GRM7: variants seen among roughly 807,000 people sequenced by gnomAD.
GRM7 encodes the protein glutamate metabotropic receptor 7.
GRM7 carries 35 observed loss-of-function variants against 84.5 expected under a neutral mutation model. That is an observed-to-expected ratio of 0.41 (90% CI 0.32 to 0.55). The LOEUF is 0.55. Among genes scored for constraint, GRM7 ranks in the 20% least tolerant of loss-of-function variants. The pLI is 0.19. For synonymous variants in GRM7, 487 were observed against 455.1 expected (o/e 1.07, Z -0.89); for missense variants, 1,003 against 1,194.6 (o/e 0.84, Z 2.36).
At chr3:6,924,342 T>G (rs1228571383) in intron 1 of GRM7, among the ~76,000 whole-genome samples, 1 of 152,198 alleles carries the variant, frequency 6.6e-6, no homozygotes, top group African/African-American at 2.4e-5. Flanking sequence ...AGAAGCATTT[T>G]GACCTTTCAT....
chr3:6,889,923 T>C (rs910936370), intron 1 of GRM7, among the ~76,000 whole-genome samples: 8 of 152,102 alleles, frequency 5.3e-5, no homozygotes, highest in South Asian at 2.1e-4. Context: ...TGTTATTGGT[T>C]TATTCAGAGA....
At chr3:6,956,270 C>T (rs1399055530) in intron 1 of GRM7, among the ~76,000 whole-genome samples, 2 of 152,182 alleles carry the variant, frequency 1.3e-5, no homozygotes, top group Non-Finnish European at 2.9e-5. Context: ...CTGAAGTCAA[C>T]AGTCGAAAGG....
intron 1 of GRM7, among the ~76,000 whole-genome samples, chr3:7,131,627 C>T (rs1037478515): frequency 3.3e-5 from 5 of 151,638 alleles, no homozygotes; most frequent in South Asian, 4.2e-4. Flanking sequence ...TACAGGTGCA[C>T]GCCACCATGC....
At chr3:7,468,906 CCT>C (rs1698575689) in intron 7 of GRM7, among the ~76,000 whole-genome samples, 1 of 152,170 alleles carries the variant, frequency 6.6e-6, no homozygotes, top group Admixed American at 6.5e-5. Context: ...GTCAATTAAA[CCT>C]CTTTCTTTTA....
rs951411172 is a variant in GRM7 at position 7,568,905 on chromosome 3, C to T, written c.1516-9517C>T. Among the ~76,000 whole-genome samples the T allele has an allele frequency of 6.6e-5, 10 of 152,224 alleles. No individual in the cohort carries two copies. The East Asian group carries it at 1.9e-3, about 30-fold the overall frequency. ...TCCATGGGCTCCTGTGCGGCCCCAG[C>T]CTCCCGGACGAGCGCCGCCCCCTGC... On this transcript the variant is annotated intron_variant, in intron 7 of 9. Coordinates refer to ENST00000357716, the MANE Select transcript of GRM7 (RefSeq NM_000844.4).
chr3:7,438,977 T>C (rs555076917), intron 5 of GRM7, among the ~76,000 whole-genome samples: 2 of 152,296 alleles, frequency 1.3e-5, no homozygotes, highest in South Asian at 2.1e-4. Context: ...ACTCAATGTA[T>C]AGATGTAGAA....
intron 1 of GRM7, among the ~76,000 whole-genome samples, chr3:7,121,355 A>G (rs1693213272): frequency 6.6e-6 from 1 of 151,750 alleles, no homozygotes; most frequent in Non-Finnish European, 1.5e-5. Context: ...CCATCCATCC[A>G]TCCATCCATC....
At chr3:7,172,042 C>A (rs1695000310) in intron 2 of GRM7, among the ~76,000 whole-genome samples, 1 of 152,204 alleles carries the variant, frequency 6.6e-6, no homozygotes, top group Admixed American at 6.5e-5. Context: ...GGGAAAGGGA[C>A]TTCCATGCTG....
intron 1 of GRM7, among the ~76,000 whole-genome samples, chr3:6,880,643 T>TCA (rs1386075232): frequency 4.0e-5 from 6 of 150,190 alleles, no homozygotes; most frequent in Non-Finnish European, 8.9e-5. Flanking sequence ...ATCTGTTTGA[T>TCA]ATCACCCCAT....
intron 7 of GRM7, among the ~76,000 whole-genome samples, chr3:7,477,953 A>C (rs1428365928): frequency 6.6e-6 from 1 of 152,110 alleles, no homozygotes; most frequent in Non-Finnish European, 1.5e-5. Flanking sequence ...CTTAATCATG[A>C]TCCAATCTTC....
At chr3:7,489,626 C>T (rs773123589) in intron 7 of GRM7, among the ~76,000 whole-genome samples, 2 of 151,938 alleles carry the variant, frequency 1.3e-5, no homozygotes, top group African/African-American at 4.8e-5. Context: ...TTTAAGTAGA[C>T]GATATGGTTG....
chr3:7,375,664 C>T (rs988773348), intron 4 of GRM7, among the ~76,000 whole-genome samples: 8 of 152,112 alleles, frequency 5.3e-5, no homozygotes, highest in Non-Finnish European at 1.2e-4. Context: ...TCTTTTGCTC[C>T]ACCTCCATCC....
intron 1 of GRM7, among the ~76,000 whole-genome samples, chr3:6,879,435 G>T (rs1695428358): frequency 6.6e-6 from 1 of 152,160 alleles, no homozygotes. Flanking sequence ...TATTTTGAAA[G>T]ATATAACACA....
Position 7,415,018 on chromosome 3 carries a change from T to C in GRM7, c.1034-5T>C. On this transcript the variant is annotated splice_region_variant and splice_polypyrimidine_tract_variant and intron_variant, in intron 4 of 9. Coordinates refer to ENST00000357716, the MANE Select transcript of GRM7 (RefSeq NM_000844.4). The stretch of plus-strand genomic sequence containing the variant: ...GCAATGACCTTTTCATTTAACTCTG[T>C]TTAGGGTTTGATGCCTACTTTACGT... The C allele has an allele frequency of 6.2e-7, 1 of 1,610,332 alleles. No individual in the cohort carries two copies. The highest frequency in any genetic ancestry group is 8.5e-7 in the Non-Finnish European group (1 of 1,177,332).
At chr3:7,294,345 C>T (rs908640555) in intron 2 of GRM7, among the ~76,000 whole-genome samples, 1 of 152,160 alleles carries the variant, frequency 6.6e-6, no homozygotes. Flanking sequence ...GTAGCCATTT[C>T]TTCTCCCCAG....
intron 8 of GRM7, among the ~76,000 whole-genome samples, chr3:7,603,270 C>A (rs1028565234): frequency 1.3e-5 from 2 of 152,022 alleles, no homozygotes; most frequent in African/African-American, 4.8e-5. Context: ...AAAATCAGTC[C>A]ATCAAATAAG....
At chr3:7,206,881 C>G (rs13320624) in intron 2 of GRM7, among the ~76,000 whole-genome samples, 9,731 of 152,052 alleles carry the variant, frequency 0.064, 866 homozygotes, top group African/African-American at 0.21. Flanking sequence ...GACTCAGAAC[C>G]CCCAGGTGTT....
chr3:7,302,369 C>T (rs1000197294), intron 3 of GRM7, among the ~76,000 whole-genome samples: 3 of 152,064 alleles, frequency 2.0e-5, no homozygotes, highest in Non-Finnish European at 4.4e-5. Context: ...TTTCATATCA[C>T]AAGTACTTTT....
chr3:7,587,426 C>G (rs1283391172), intron 8 of GRM7, among the ~76,000 whole-genome samples: 1 of 152,072 alleles, frequency 6.6e-6, no homozygotes, highest in African/African-American at 2.4e-5. Flanking sequence ...TGGGCATTGG[C>G]AGGAGGGTCC....
Sources: allele counts gnomAD v4.1 joint callset (sites outside exome capture counted in the v4.1 genomes callset), GRCh38; gene constraint gnomAD v4.1.1; transcripts MANE v1.5; gene names NCBI Gene and HGNC (gene_info 2026-07-23, HGNC 2026-07-21).